Variants in FRMD4B observed in about 807,000 individuals in gnomAD.
FRMD4B encodes the protein FERM domain-containing protein 4B.
A neutral mutation model predicts 141.5 loss-of-function variants in FRMD4B; 74 were observed. The observed-to-expected ratio is 0.52, with a 90% confidence interval of 0.43 to 0.63. The LOEUF is 0.63. Among genes scored for constraint, FRMD4B ranks in the 30% least tolerant of loss-of-function variants. The pLI, the probability that FRMD4B is intolerant of heterozygous loss-of-function variation, is 0.00. For synonymous variants in FRMD4B, 506 were observed against 467.9 expected, an observed-to-expected ratio of 1.08 and a Z score of -1.05; for missense variants, 1,366 against 1,253.4, an observed-to-expected ratio of 1.09 and a Z score of -1.36.
chr3:69,273,448 G>A (rs2106944305), intron 5 of FRMD4B, among the ~76,000 whole-genome samples: 1 of 152,268 alleles, frequency 6.6e-6, no homozygotes, highest in Non-Finnish European at 1.5e-5. Flanking sequence ...TGCTGAAATT[G>A]TATTCTGATA....
At chr3:69,458,165 A>G (rs1705648596) in intron 1 of FRMD4B, among the ~76,000 whole-genome samples, 1 of 152,216 alleles carries the variant, frequency 6.6e-6, no homozygotes, top group Non-Finnish European at 1.5e-5. Flanking sequence ...TAATAACAAA[A>G]TTTACACCAC....
In FRMD4B at chr3:69,193,505, T is replaced by C. The variant is rs1057154737; in HGVS notation, c.1714+143A>G. The C allele has an allele frequency of 5.7e-5, 35 of 610,306 alleles. 1 individual carries two copies. Among genetic ancestry groups the C allele is most frequent in the South Asian group, 8.3e-5 (4 of 48,080 alleles). The allele number at this position is 610,306 out of a possible 1,614,324, so 37.8% of individuals were successfully genotyped here. On this transcript the variant is annotated intron_variant, in intron 17 of 22. Transcript: ENST00000398540. ...CCTGGGCAACAAGAGTGAAACTCTG[T>C]CTCCAAATAAAAAAGAAAACTTAGT...
At chr3:69,232,410 A>G (rs2093314145) in intron 7 of FRMD4B, among the ~76,000 whole-genome samples, 1 of 152,202 alleles carries the variant, frequency 6.6e-6, no homozygotes, top group African/African-American at 2.4e-5. Context: ...TCCCTTAGGC[A>G]TTCCAGATTC....
At chr3:69,501,179 C>A (rs1005507777) in intron 1 of FRMD4B, among the ~76,000 whole-genome samples, 2 of 149,660 alleles carry the variant, frequency 1.3e-5, no homozygotes, top group African/African-American at 4.9e-5. Flanking sequence ...CAGCCCAACA[C>A]AAATTTGTAA....
At chr3:69,261,012 G>C (rs985859066) in intron 5 of FRMD4B, among the ~76,000 whole-genome samples, 3 of 152,218 alleles carry the variant, frequency 2.0e-5, no homozygotes, top group Non-Finnish European at 4.4e-5. Context: ...GGGCCAATCA[G>C]CAGGATGTGG....
chr3:69,509,952 T>G (rs149299693), intron 1 of FRMD4B, among the ~76,000 whole-genome samples: 123 of 151,574 alleles, frequency 8.1e-4, no homozygotes, highest in Non-Finnish European at 1.4e-3. Context: ...CACTCTACTA[T>G]GGAGTATAAA....
intron 1 of FRMD4B, among the ~76,000 whole-genome samples, chr3:69,336,325 A>G (rs1225894989): frequency 6.6e-6 from 1 of 152,182 alleles, no homozygotes; most frequent in African/African-American, 2.4e-5. Flanking sequence ...TGTGTTCACA[A>G]CCTTCCAGGT....
chr3:69,203,341 A>AAAGAAAG (rs1553700372), intron 11 of FRMD4B, among the ~76,000 whole-genome samples: 1 of 76,982 alleles, frequency 1.3e-5, no homozygotes, highest in African/African-American at 4.5e-5. Context: ...AAAAAAAAAA[A>AAAGAAAG]AAAGAAAGAA....
intron 7 of FRMD4B, among the ~76,000 whole-genome samples, chr3:69,247,526 A>C (rs1327290775): frequency 6.6e-6 from 1 of 152,158 alleles, no homozygotes; most frequent in East Asian, 1.9e-4. Flanking sequence ...TCACTCCGTC[A>C]CCCAGGCTGG....
At chr3:69,289,356 T>C (rs1299115024) in intron 4 of FRMD4B, among the ~76,000 whole-genome samples, 1 of 152,176 alleles carries the variant, frequency 6.6e-6, no homozygotes, top group Admixed American at 6.5e-5. Context: ...TAGAGAGGCA[T>C]TAAAATAGAC....
At chr3:69,232,387 T>C (rs2093314002) in intron 7 of FRMD4B, among the ~76,000 whole-genome samples, 1 of 152,186 alleles carries the variant, frequency 6.6e-6, no homozygotes, top group Non-Finnish European at 1.5e-5. Context: ...TCTGATTATC[T>C]AGGCTGAACT....
intron 7 of FRMD4B, among the ~76,000 whole-genome samples, chr3:69,233,710 G>C (rs2093326828): frequency 6.6e-6 from 1 of 152,148 alleles, no homozygotes; most frequent in African/African-American, 2.4e-5. Context: ...GGCCTCCCAG[G>C]ATTTGGGCAA....
chr3:69,226,425 C>CT (rs5849885), intron 7 of FRMD4B, among the ~76,000 whole-genome samples: 26 of 145,320 alleles, frequency 1.8e-4, no homozygotes, highest in Admixed American at 5.5e-4. Flanking sequence ...ACCACATTTA[C>CT]TTTTTTTTTT....
chr3:69,533,921 G>A (rs1056154337), intron 1 of FRMD4B, among the ~76,000 whole-genome samples: 1 of 152,132 alleles, frequency 6.6e-6, no homozygotes, highest in Non-Finnish European at 1.5e-5. Flanking sequence ...CTGGGAGACC[G>A]GGATTTGCCT....
At chr3:69,459,104 G>A (rs1008794027) in intron 1 of FRMD4B, among the ~76,000 whole-genome samples, 1 of 152,126 alleles carries the variant, frequency 6.6e-6, no homozygotes, top group African/African-American at 2.4e-5. Context: ...TAAATACACC[G>A]TTGGTACTTC....
At chr3:69,462,025 G>A (rs769836484) in intron 1 of FRMD4B, among the ~76,000 whole-genome samples, 5 of 152,128 alleles carry the variant, frequency 3.3e-5, no homozygotes, top group Admixed American at 3.3e-4. Context: ...TTTTGCTTAC[G>A]GGTGATATCC....
At chr3:69,500,200 C>T (rs1349732188) in intron 1 of FRMD4B, among the ~76,000 whole-genome samples, 42 of 152,192 alleles carry the variant, frequency 2.8e-4, no homozygotes, top group Admixed American at 2.7e-3. Context: ...CCGGGCTGCT[C>T]TGGAGTTGGC....
chr3:69,269,960 G>A (rs988156618), intron 5 of FRMD4B, among the ~76,000 whole-genome samples: 1 of 152,020 alleles, frequency 6.6e-6, no homozygotes, highest in Non-Finnish European at 1.5e-5. Flanking sequence ...ACCATTTGTG[G>A]CTCATTTAAC....
intron 1 of FRMD4B, among the ~76,000 whole-genome samples, chr3:69,336,104 T>C (rs996784298): frequency 8.4e-6 from 1 of 118,456 alleles, no homozygotes; most frequent in Non-Finnish European, 1.9e-5. Flanking sequence ...ATAACTTCCC[T>C]TGGGGGGTGA....
Sources: allele counts gnomAD v4.1 joint callset (sites outside exome capture counted in the v4.1 genomes callset), GRCh38; gene constraint gnomAD v4.1.1; transcripts MANE v1.5; gene names NCBI Gene and HGNC (gene_info 2026-07-23, HGNC 2026-07-21).